Variants in RTTN observed in about 807,000 individuals in gnomAD.
The protein encoded by RTTN is rotatin.
A neutral mutation model predicts 269.2 loss-of-function variants in RTTN; 182 were observed. The observed-to-expected ratio is 0.68, with a 90% CI of 0.60 to 0.76. RTTN has a LOEUF of 0.76. RTTN is among the 30% of genes least tolerant of loss of function. The pLI is 0.00. For missense variants in RTTN, 2,545 were observed against 2,608.6 expected (o/e 0.98, Z 0.53); for synonymous variants, 1,006 against 963.5 (o/e 1.04, Z -0.82).
chr18:70,075,685 T>G (rs1272083079), intron 32 of RTTN, 144 bp from the exon 33 acceptor site: 1 of 598,268 alleles, frequency 1.7e-6, no homozygotes, highest in Non-Finnish European at 2.8e-6. Flanking sequence ...TACACAGTTA[T>G]AGCAGCCTGA....
At position 70,114,691 on chromosome 18, in the gene RTTN, G is replaced by C. The variant is rs538940959; in HGVS notation, c.3529-92C>G. 4.5e-4 allele frequency: 492 copies of C among 1,097,538 alleles called. 1 individual carries two copies. Among genetic ancestry groups the C allele is most frequent in the Non-Finnish European group, 2.2e-4 (174 of 777,672 alleles). The allele number at this position is 1,097,538 out of a possible 1,614,324, so 68.0% of individuals were successfully genotyped here. Reference sequence around the variant, plus strand: ...TTGGTTGCTAAGCAAGTTCTAGTAAGAGCTATATTACCTAACTAGTAGGTG... The same window carrying C: ...TTGGTTGCTAAGCAAGTTCTAGTAACAGCTATATTACCTAACTAGTAGGTG... On this transcript the variant is annotated intron_variant, in intron 26 of 48. Coordinates refer to ENST00000640769, the MANE Select transcript of RTTN (RefSeq NM_173630.4).
At chr18:70,063,726 C>CT (rs1568319884) in intron 35 of RTTN, among the ~76,000 whole-genome samples, 1 of 151,862 alleles carries the variant, frequency 6.6e-6, no homozygotes, top group Admixed American at 6.6e-5. Flanking sequence ...ATATAGAAAC[C>CT]TTTTTTGAAT....
intron 30 of RTTN, 121 bp downstream of exon 30, chr18:70,091,989 G>A (rs569101283): frequency 7.9e-5 from 40 of 508,638 alleles, no homozygotes; most frequent in African/African-American, 1.4e-4. Flanking sequence ...TCCTGACCTC[G>A]TGATCTGCCC....
At position 70,065,835 on chromosome 18, in the gene RTTN, C is replaced by G. The variant is rs1013169939; in HGVS notation, c.4741G>C (p.Ala1581Pro). 39 of 1,588,202 alleles carry G rather than the reference C, an allele frequency of 2.5e-5. No individual in the cohort carries two copies. The highest frequency in any genetic ancestry group is 3.2e-5 in the Non-Finnish European group (37 of 1,166,086). Reference protein sequence around the residue: ...LPEASHDQFVAQGHQESTSPR... With the variant: ...LPEASHDQFVPQGHQESTSPR... Reference sequence around the variant, plus strand: ...GTCTTCACTAAAAGGATACCTTGAGCCACAAACTGGTCATGGGAGGCTTCA... The same window carrying G: ...GTCTTCACTAAAAGGATACCTTGAGGCACAAACTGGTCATGGGAGGCTTCA... The change falls in exon 35 of 49, where the codon GCT (alanine) becomes CCT (proline). Residue 1581 changes from alanine to proline, a missense_variant. Ala to Pro is a conservative substitution (Grantham distance 27). Coordinates refer to ENST00000640769, the MANE Select transcript of RTTN (RefSeq NM_173630.4).
At chr18:70,035,372 G>A (rs1204325445) in intron 40 of RTTN, among the ~76,000 whole-genome samples, 2 of 152,092 alleles carry the variant, frequency 1.3e-5, no homozygotes, top group East Asian at 1.9e-4. Flanking sequence ...CACATAGACC[G>A]ATGGAACAGA....
At chr18:70,021,092 C>T (rs911710303) in intron 44 of RTTN, 7 of 295,096 alleles carry the variant, frequency 2.4e-5, no homozygotes, top group Non-Finnish European at 4.3e-5. Flanking sequence ...TTAATAGTTG[C>T]TAAAGAAAAC....
At chr18:70,160,267 G>C (rs1347830006) in intron 14 of RTTN, among the ~76,000 whole-genome samples, 1 of 151,878 alleles carries the variant, frequency 6.6e-6, no homozygotes, top group African/African-American at 2.4e-5. Context: ...CTGGATGCAA[G>C]GTTGATTCAA....
At chr18:70,171,283 G>C (rs1423395910) in intron 11 of RTTN, among the ~76,000 whole-genome samples, 1 of 152,178 alleles carries the variant, frequency 6.6e-6, no homozygotes, top group African/African-American at 2.4e-5. Context: ...TTTACACTGT[G>C]CTAAGAGAGT....
chr18:70,071,611 GCATTTA>G (rs2058297853), intron 34 of RTTN, among the ~76,000 whole-genome samples: 1 of 152,176 alleles, frequency 6.6e-6, no homozygotes, highest in Admixed American at 6.5e-5. Context: ...TCCTGAGGAA[GCATTTA>G]CAAGGGCGAT....
At chr18:70,197,526 T>A in intron 6 of RTTN, 98 bp downstream of exon 6, 1 of 738,108 alleles carries the variant, frequency 1.4e-6, no homozygotes, top group Non-Finnish European at 2.4e-6. Flanking sequence ...AAAACATGAG[T>A]ACAAAGTTCC....
chr18:70,159,777 G>C (rs1411975056), intron 14 of RTTN, among the ~76,000 whole-genome samples: 1 of 152,020 alleles, frequency 6.6e-6, no homozygotes, highest in East Asian at 1.9e-4. Context: ...AAGACCCTCA[G>C]AGACCATTAA....
intron 32 of RTTN, among the ~76,000 whole-genome samples, chr18:70,082,519 C>T (rs899172006): frequency 2.0e-5 from 3 of 152,170 alleles, no homozygotes; most frequent in African/African-American, 7.2e-5. Context: ...ATTTCTGACA[C>T]TAGTCTTCAA....
intron 6 of RTTN, 60 bp downstream of exon 6, chr18:70,197,564 T>G: frequency 9.9e-7 from 1 of 1,005,280 alleles, no homozygotes; most frequent in Non-Finnish European, 1.6e-6. Context: ...TCTGCAAAAT[T>G]TGCTTTATTG....
intron 21 of RTTN, among the ~76,000 whole-genome samples, chr18:70,137,710 T>C (rs2060157764): frequency 6.6e-6 from 1 of 152,148 alleles, no homozygotes; most frequent in Non-Finnish European, 1.5e-5. Flanking sequence ...AATTCCATCT[T>C]AGATGCCACA....
chr18:70,180,542 A>G (rs2061399988), intron 10 of RTTN, among the ~76,000 whole-genome samples: 1 of 149,880 alleles, frequency 6.7e-6, no homozygotes, highest in Non-Finnish European at 1.5e-5. Flanking sequence ...AGATCACGCC[A>G]CTGCCCTCCA....
At chr18:70,025,591 C>T (rs912905394) in intron 43 of RTTN, among the ~76,000 whole-genome samples, 3 of 152,174 alleles carry the variant, frequency 2.0e-5, no homozygotes, top group Non-Finnish European at 4.4e-5. Context: ...CAACACTCTC[C>T]GTAAGCACTG....
rs368406992 is a variant in RTTN at position 70,205,286 on chromosome 18, C to T, written c.61G>A (p.Ala21Thr). The T allele has an allele frequency of 6.2e-7, 1 of 1,614,190 alleles. No homozygotes were observed. The highest frequency in any genetic ancestry group is 8.5e-7 in the Non-Finnish European group (1 of 1,180,032). Residue 21 changes from alanine to threonine, a missense_variant, in exon 2 of 49, where the codon GCT (alanine) becomes ACT (threonine). Coordinates refer to ENST00000640769, the MANE Select transcript of RTTN (RefSeq NM_173630.4). ...ATCTTGCAGAGAATACTCTTGAGAG[C>T]GCGCTCCCTGATCTCGGCCAGCTGA... ...GHQLAEIRER[A>T]LKSILCKIEH...
At chr18:70,110,283 A>G (rs1308072277) in intron 27 of RTTN, among the ~76,000 whole-genome samples, 1 of 151,828 alleles carries the variant, frequency 6.6e-6, no homozygotes, top group African/African-American at 2.4e-5. Flanking sequence ...AAGATGGTCA[A>G]ATAGGAATAG....
chr18:70,161,284 G>C (rs931102287), intron 14 of RTTN, among the ~76,000 whole-genome samples: 1 of 152,110 alleles, frequency 6.6e-6, no homozygotes, highest in Non-Finnish European at 1.5e-5. Context: ...TGGAATAACT[G>C]GTTAGGCGTA....
Sources: gnomAD v4.1 joint callset for allele counts (sites outside exome capture counted in the v4.1 genomes callset) on GRCh38, gnomAD v4.1.1 for gene constraint, MANE v1.5 for transcripts, NCBI Gene and HGNC (gene_info 2026-07-23, HGNC 2026-07-21) for gene names.